VEGFD: variants seen among roughly 807,000 people sequenced by gnomAD.
The protein encoded by VEGFD is c-fos induced growth factor (vascular endothelial growth factor D).
A neutral mutation model predicts 28.0 loss-of-function variants in VEGFD; 26 were observed. The ratio of observed to expected loss-of-function variants is 0.93; its 90% CI spans 0.68 to 1.29. VEGFD has a LOEUF of 1.29. Ranked by LOEUF, VEGFD falls within the 50% of genes most tolerant of loss-of-function variation. The probability of loss-of-function intolerance (pLI) is 0.00; values close to 1 mark genes in which losing one functional copy is unlikely to be tolerated. For synonymous variants in VEGFD, 93 were observed against 95.5 expected, an observed-to-expected ratio of 0.97 and a Z score of 0.15; for missense variants, 294 against 273.4, an observed-to-expected ratio of 1.08 and a Z score of -0.53.
chrX:15,346,023 C>T lies in VEGFD; in HGVS notation c.*110G>A. 1.1e-6 allele frequency: 1 copy of T among 934,489 alleles called. No homozygotes were observed. Among genetic ancestry groups the T allele is most frequent in the Non-Finnish European group, 1.5e-6 (1 of 670,383 alleles). The allele number at this position is 934,489 out of a possible 1,213,427, so 77.0% of individuals were successfully genotyped here. On this transcript the variant is annotated 3_prime_UTR_variant, in exon 7 of 7. Coordinates refer to ENST00000297904, the MANE Select transcript of VEGFD (RefSeq NM_004469.5). ...AGGTTGGTCTGGATTCACTGTGGTGCTGTGTAAAATGGATTTTTTTTTTAA... is the reference window on the plus strand; with the variant it reads ...AGGTTGGTCTGGATTCACTGTGGTGTTGTGTAAAATGGATTTTTTTTTTAA...
At chrX:15,368,256 A>AT in intron 1 of VEGFD, among the ~76,000 whole-genome samples, 1 of 112,036 alleles carries the variant, frequency 8.9e-6, no homozygotes, top group East Asian at 2.8e-4. Flanking sequence ...TCTTAGAAAT[A>AT]TTTTTAAACT....
intron 1 of VEGFD, among the ~76,000 whole-genome samples, chrX:15,378,466 TC>T (rs781477741): frequency 2.7e-5 from 3 of 112,049 alleles, no homozygotes; most frequent in South Asian, 3.7e-4. Flanking sequence ...AGTCCATCAA[TC>T]AGTCAACAAA....
Position 15,353,162 on chromosome X carries a change from G to T in VEGFD, c.648C>A (p.Ser216=). 1 of 1,087,182 alleles carries T rather than the reference G, an allele frequency of 9.2e-7. No homozygotes were observed. Among genetic ancestry groups the T allele is most frequent in the Non-Finnish European group, 1.2e-6 (1 of 803,057 alleles). The allele number at this position is 1,087,182 out of a possible 1,213,427, so 89.6% of individuals were successfully genotyped here. Residue 216 remains serine (S), a synonymous_variant, in exon 5 of 7, where the codon TCC becomes TCA. Coordinates refer to ENST00000297904, the MANE Select transcript of VEGFD (RefSeq NM_004469.5). ...SIQIPEEDRC[S]HSKKLCPIDM... ...CAATAGGACAGAGTTTCTTGGAATGGGAACAGCTAGGAAAAGAAAACAATG... is the reference window on the plus strand; with the variant it reads ...CAATAGGACAGAGTTTCTTGGAATGTGAACAGCTAGGAAAAGAAAACAATG...
At chrX:15,374,525 C>T (rs747328751) in intron 1 of VEGFD, among the ~76,000 whole-genome samples, 1 of 111,654 alleles carries the variant, frequency 9.0e-6, no homozygotes, top group Non-Finnish European at 1.9e-5. Flanking sequence ...AAATACAAAA[C>T]GACAGTGAAG....
intron 1 of VEGFD, among the ~76,000 whole-genome samples, chrX:15,378,346 A>T (rs1055864580): frequency 4.5e-5 from 5 of 111,974 alleles, no homozygotes; most frequent in Admixed American, 9.4e-5. Flanking sequence ...ATGCTTTAGA[A>T]TTTTTTTTAA....
chrX:15,350,853 CTCTT>C (rs1255667249), intron 5 of VEGFD, among the ~76,000 whole-genome samples: 2 of 81,682 alleles, frequency 2.4e-5, no homozygotes, highest in Non-Finnish European at 4.8e-5. Context: ...TTCTCTTTCT[CTCTT>C]TCTTTCTTTC....
chrX:15,348,385 ATGAT>A (rs1327309365), intron 5 of VEGFD, among the ~76,000 whole-genome samples: 7 of 112,481 alleles, frequency 6.2e-5, no homozygotes, highest in African/African-American at 1.9e-4. Flanking sequence ...TCTTCTTCAC[ATGAT>A]TAACAAATGC....
intron 1 of VEGFD, among the ~76,000 whole-genome samples, chrX:15,376,896 G>A (rs761632378): frequency 1.8e-5 from 2 of 111,862 alleles, no homozygotes; most frequent in Non-Finnish European, 3.8e-5. Context: ...GGAACAGTAA[G>A]TAACAGCAAG....
Position 15,355,265 on chromosome X carries a change from G to A in VEGFD, c.526C>T (p.Pro176Ser), listed in dbSNP as rs1470455807. The A allele has an allele frequency of 5.0e-6, 6 of 1,196,419 alleles. No individual in the cohort carries two copies. Among genetic ancestry groups the A allele is most frequent in the Non-Finnish European group, 6.7e-6 (6 of 889,692 alleles). Residue 176 changes from proline (P) to serine (S), a missense_variant, in exon 4 of 7, where the codon CCT (proline) becomes TCT (serine). Pro to Ser is a moderately conservative substitution (Grantham distance 74). Transcript: ENST00000297904. ...FEISVPLTSVPELVPVKVANH... is the reference protein window; with the variant it reads ...FEISVPLTSVSELVPVKVANH... ...GCAACTTTAACAGGCACTAATTCAG[G>A]TACTGATGTCAAAGGCACTGATATC...
Position 15,346,207 on chromosome X carries a change from C to T in VEGFD, c.991G>A (p.Ala331Thr). 1 of 1,210,747 alleles carries T rather than the reference C, an allele frequency of 8.3e-7. No homozygotes were observed. The highest frequency in any genetic ancestry group is 1.1e-6 in the Non-Finnish European group (1 of 894,504). ...HTRPCASGKT[A>T]CAKHCRFPKE... is the part of the protein sequence containing the mutation. ...GGAAAGCGGCAATGCTTTGCACATGCTGTTTTGCCACTTGCACATGGTCTG... is the reference window on the plus strand; with the variant it reads ...GGAAAGCGGCAATGCTTTGCACATGTTGTTTTGCCACTTGCACATGGTCTG... Residue 331 changes from alanine to threonine, a missense_variant, in exon 7 of 7, where the codon GCA becomes ACA. By Grantham distance (58) the Ala-to-Thr change is moderately conservative. Transcript: ENST00000297904.
intron 1 of VEGFD, among the ~76,000 whole-genome samples, chrX:15,380,911 A>T (rs1395810930): frequency 1.8e-5 from 2 of 112,700 alleles, no homozygotes; most frequent in Admixed American, 1.9e-4. Context: ...GAGCTGTATT[A>T]AAAAGCTGGA....
intron 5 of VEGFD, among the ~76,000 whole-genome samples, chrX:15,350,994 T>C (rs1569183294): frequency 1.1e-5 from 1 of 91,466 alleles, no homozygotes; most frequent in Non-Finnish European, 2.1e-5. Flanking sequence ...CCTGAGTAGC[T>C]GGGACTACAG....
In VEGFD at chrX:15,346,274, A is replaced by G; in HGVS notation, c.939-15T>C. 2 of 1,203,283 alleles carry G rather than the reference A, an allele frequency of 1.7e-6. No homozygotes were observed. Among genetic ancestry groups the G allele is most frequent in the Non-Finnish European group, 2.2e-6 (2 of 891,285 alleles). ...TGTCCTCACAGCTGTTGCAAAAGAA[A>G]ATAAAGATGAGAATTCAGAATCAAT... On this transcript the variant is annotated splice_polypyrimidine_tract_variant and intron_variant, in intron 6 of 6. Coordinates refer to ENST00000297904, the MANE Select transcript of VEGFD (RefSeq NM_004469.5).
At chrX:15,381,529 TAAAAA>T (rs35184475) in intron 1 of VEGFD, among the ~76,000 whole-genome samples, 4 of 86,351 alleles carry the variant, frequency 4.6e-5, no homozygotes, top group Non-Finnish European at 7.1e-5. Context: ...TTTCAAAAAG[TAAAAA>T]AAAAAAAACA....
At chrX:15,364,495 A>T (rs1569185919) in intron 1 of VEGFD, among the ~76,000 whole-genome samples, 1 of 112,393 alleles carries the variant, frequency 8.9e-6, no homozygotes, top group Non-Finnish European at 1.9e-5. Context: ...ATTCTATGTG[A>T]TCATCAAAAC....
chrX:15,345,975 A>G lies in VEGFD; in HGVS notation c.*158T>C. Reference sequence around the variant, plus strand: ...GAAGACATCCATCAATGAACCAGGGACTCCTTAGCTGGTGTGAATGGAAGG... The same window carrying G: ...GAAGACATCCATCAATGAACCAGGGGCTCCTTAGCTGGTGTGAATGGAAGG... On this transcript the variant is annotated 3_prime_UTR_variant, in exon 7 of 7. Coordinates refer to ENST00000297904, the MANE Select transcript of VEGFD (RefSeq NM_004469.5). 2 of 572,854 alleles carry G rather than the reference A, an allele frequency of 3.5e-6. No homozygotes were observed. Among genetic ancestry groups the G allele is most frequent in the Non-Finnish European group, 5.5e-6 (2 of 360,489 alleles). The allele number at this position is 572,854 out of a possible 1,213,427, so 47.2% of individuals were successfully genotyped here.
intron 2 of VEGFD, among the ~76,000 whole-genome samples, chrX:15,360,362 C>A (rs1401990320): frequency 5.2e-5 from 5 of 96,319 alleles, no homozygotes; most frequent in East Asian, 6.4e-4. Flanking sequence ...TTTTTTGAGA[C>A]GGGGTCTCAC....
chrX:15,347,766 T>G (rs1194514347), intron 5 of VEGFD, among the ~76,000 whole-genome samples: 1 of 111,798 alleles, frequency 8.9e-6, no homozygotes, highest in Non-Finnish European at 1.9e-5. Context: ...ATAATTGGTG[T>G]TGTAGAAATA....
intron 1 of VEGFD, among the ~76,000 whole-genome samples, chrX:15,374,720 T>C (rs1344996605): frequency 9.0e-6 from 1 of 111,462 alleles, no homozygotes; most frequent in South Asian, 3.8e-4. Flanking sequence ...AAAAAATCCA[T>C]TTTACTCTAT....
Sources: allele counts gnomAD v4.1 joint callset (sites outside exome capture counted in the v4.1 genomes callset), GRCh38; gene constraint gnomAD v4.1.1; transcripts MANE v1.5; gene names NCBI Gene and HGNC (gene_info 2026-07-23, HGNC 2026-07-21).